The following DPP8 variants were observed in gnomAD, a reference collection of about 807,000 sequenced individuals.
The protein encoded by DPP8 is dipeptidyl peptidase 8.
DPP8 carries 31 observed loss-of-function variants against 107.5 expected under a neutral mutation model. The observed-to-expected ratio is 0.29, with a 90% CI of 0.22 to 0.39. DPP8 has a LOEUF of 0.39. DPP8 is among the 10% of genes least tolerant of loss of function. The pLI, the probability that DPP8 is intolerant of heterozygous loss-of-function variation, is 1.00. For synonymous variants in DPP8, 381 were observed against 356.6 expected, an observed-to-expected ratio of 1.07 and a Z score of -0.77; for missense variants, 842 against 1,076.1, an observed-to-expected ratio of 0.78 and a Z score of 3.04.
intron 12 of DPP8, among the ~76,000 whole-genome samples, chr15:65,473,303 C>A (rs1471065683): frequency 2.1e-5 from 3 of 140,132 alleles, no homozygotes; most frequent in Non-Finnish European, 4.5e-5. Context: ...CCAACCTGGG[C>A]GACAGAGTGA....
intron 5 of DPP8, among the ~76,000 whole-genome samples, chr15:65,496,711 C>T (rs899492844): frequency 2.0e-5 from 3 of 151,886 alleles, no homozygotes; most frequent in Non-Finnish European, 2.9e-5. Context: ...AGTGCAGTGG[C>T]GCAATCACGT....
At chr15:65,465,324 C>T (rs772079283) in intron 14 of DPP8, among the ~76,000 whole-genome samples, 12 of 151,452 alleles carry the variant, frequency 7.9e-5, no homozygotes, top group East Asian at 7.8e-4. Flanking sequence ...CCCACCACCA[C>T]GTCTGGCTAG....
Position 65,493,766 on chromosome 15 carries a change from G to A in DPP8, c.716-3467C>T, listed in dbSNP as rs1034845227. Among the ~76,000 whole-genome samples the A allele has an allele frequency of 1.8e-4, 27 of 152,132 alleles. 1 individual carries two copies. The highest frequency in any genetic ancestry group is 5.9e-5 in the Non-Finnish European group (4 of 68,022). On this transcript the variant is annotated intron_variant, in intron 5 of 19. Coordinates refer to ENST00000300141, the MANE Select transcript of DPP8 (RefSeq NM_130434.5). ...CATTGTCTCAGTAAGTCATTTGAGAGCAGAAGCTAGGATTTTATTACTTTT... is the reference window on the plus strand; with the variant it reads ...CATTGTCTCAGTAAGTCATTTGAGAACAGAAGCTAGGATTTTATTACTTTT...
chr15:65,474,313 C>G, intron 11 of DPP8, 25 bp from the exon 12 acceptor site: 1 of 1,472,754 alleles, frequency 6.8e-7, no homozygotes, highest in African/African-American at 1.4e-5. Context: ...AATTATAATT[C>G]AGTACATTAT....
intron 2 of DPP8, among the ~76,000 whole-genome samples, chr15:65,508,122 C>G (rs953117663): frequency 6.6e-6 from 1 of 151,954 alleles, no homozygotes; most frequent in African/African-American, 2.4e-5. Context: ...TGCCTGTAAT[C>G]CCAGCTATTT....
intron 14 of DPP8, among the ~76,000 whole-genome samples, chr15:65,464,930 G>A (rs1453873973): frequency 6.6e-6 from 1 of 151,946 alleles, no homozygotes. Context: ...AATTTTTCAG[G>A]GTAGGTGACC....
chr15:65,502,435 T>C (rs1596099769), intron 3 of DPP8, among the ~76,000 whole-genome samples: 1 of 152,130 alleles, frequency 6.6e-6, no homozygotes, highest in Non-Finnish European at 1.5e-5. Flanking sequence ...CCCAGTACTT[T>C]AGGAGGTCAA....
intron 11 of DPP8, among the ~76,000 whole-genome samples, chr15:65,476,907 T>C (rs2066438045): frequency 6.6e-6 from 1 of 152,102 alleles, no homozygotes; most frequent in Non-Finnish European, 1.5e-5. Context: ...TGGATGAAAC[T>C]TGAGGACATT....
chr15:65,507,873 G>A (rs1297152220), intron 2 of DPP8, among the ~76,000 whole-genome samples: 1 of 152,054 alleles, frequency 6.6e-6, no homozygotes, highest in Non-Finnish European at 1.5e-5. Context: ...TCAGATTACT[G>A]TTTCTGAAAC....
At chr15:65,467,380 T>A (rs1051903387) in intron 12 of DPP8, among the ~76,000 whole-genome samples, 157 bp from the exon 13 acceptor site, 1 of 152,136 alleles carries the variant, frequency 6.6e-6, no homozygotes, top group African/African-American at 2.4e-5. Context: ...TAATTTTGCT[T>A]ATTTATTTAT....
intron 7 of DPP8, among the ~76,000 whole-genome samples, chr15:65,485,967 G>A (rs1420696548): frequency 2.6e-5 from 4 of 151,704 alleles, no homozygotes; most frequent in African/African-American, 4.8e-5. Context: ...GGTGGCACAC[G>A]CCTGTAATCC....
chr15:65,497,385 T>C (rs1429058729), intron 5 of DPP8, among the ~76,000 whole-genome samples: 1 of 152,132 alleles, frequency 6.6e-6, no homozygotes, highest in African/African-American at 2.4e-5. Context: ...ATCTCCCAGG[T>C]AGTTGGGACT....
At chr15:65,458,713 C>T (rs924690709) in intron 15 of DPP8, 3 of 152,132 alleles carry the variant, frequency 2.0e-5, no homozygotes, top group Admixed American at 6.6e-5. Flanking sequence ...CAAAGTAATT[C>T]GCTTCATGTT....
rs543895709 is a variant in DPP8, at chr15:65,486,722, G to A, written c.955+968C>T. ...GCTGGAGACCATTATTCTAAGTGAAGTAACTCAAGAATGGAAAACCAAGTA... is the reference window on the plus strand; with the variant it reads ...GCTGGAGACCATTATTCTAAGTGAAATAACTCAAGAATGGAAAACCAAGTA... On this transcript the variant is annotated intron_variant, in intron 7 of 19. Transcript: ENST00000300141. 4.6e-5 allele frequency among the ~76,000 whole-genome samples: 7 copies of A among 152,286 alleles called. No individual in the cohort carries two copies. The East Asian group carries it at 1.3e-3, about 29-fold the overall frequency.
At chr15:65,470,668 T>G (rs1186370707) in intron 12 of DPP8, among the ~76,000 whole-genome samples, 1 of 148,016 alleles carries the variant, frequency 6.8e-6, no homozygotes, top group Non-Finnish European at 1.5e-5. Context: ...CCTGAAATCC[T>G]AGCACTCTGG....
chr15:65,495,865 C>A (rs1291299227), intron 5 of DPP8, among the ~76,000 whole-genome samples: 3 of 152,082 alleles, frequency 2.0e-5, no homozygotes, highest in Admixed American at 2.0e-4. Flanking sequence ...CTGGGTGACA[C>A]AGTAAGACTC....
Position 65,507,306 on chromosome 15 carries a change from G to A in DPP8, c.309C>T (p.Pro103=), listed in dbSNP as rs1441834866. Residue 103 remains proline (P), a synonymous_variant, in exon 3 of 20, where the codon CCC becomes CCT. Coordinates refer to ENST00000300141, the MANE Select transcript of DPP8 (RefSeq NM_130434.5). ...AGACTGCTGCTCTATTGATAGTTTT[G>A]GGAATTTCAGAATAAAACAGTGTAT... ...RENTLFYSEI[P]KTINRAAVLM... is the part of the protein sequence containing the mutation. 3 of 1,612,454 alleles carry A rather than the reference G, an allele frequency of 1.9e-6. No individual in the cohort carries two copies. The highest frequency in any genetic ancestry group is 4.5e-5 in the East Asian group (2 of 44,738).
intron 1 of DPP8, among the ~76,000 whole-genome samples, chr15:65,515,306 T>C (rs1037395647): frequency 2.0e-5 from 3 of 152,196 alleles, no homozygotes; most frequent in Non-Finnish European, 2.9e-5. Context: ...TTATCTGGTA[T>C]TCCTGAATCG....
intron 1 of DPP8, 100 bp downstream of exon 1, chr15:65,517,386 G>C (rs2071592427): frequency 6.6e-6 from 1 of 152,458 alleles, no homozygotes; most frequent in Non-Finnish European, 1.5e-5. Flanking sequence ...CTGACCCTGA[G>C]AACGCGCCGA....
Sources: gnomAD v4.1 joint callset for allele counts (sites outside exome capture counted in the v4.1 genomes callset) on GRCh38, gnomAD v4.1.1 for gene constraint, MANE v1.5 for transcripts, NCBI Gene and HGNC (gene_info 2026-07-23, HGNC 2026-07-21) for gene names.